The following ATF2 variants were observed in gnomAD, a reference collection of about 807,000 sequenced individuals.
ATF2 encodes activating transcription factor 2, also known as cyclic AMP-dependent transcription factor ATF-2.
Under a neutral mutation model 60.6 loss-of-function variants are expected in ATF2, and 24 were observed. The ratio of observed to expected loss-of-function variants is 0.40; its 90% CI spans 0.29 to 0.56. ATF2 has a LOEUF of 0.56. ATF2 is among the 20% of genes least tolerant of loss of function. The pLI, the probability that ATF2 is intolerant of heterozygous loss-of-function variation, is 0.54. For synonymous variants in ATF2, 206 were observed against 215.4 expected (o/e 0.96, Z 0.38); for missense variants, 433 against 607.7 (o/e 0.71, Z 3.02).
Position 175,087,275 on chromosome 2 carries a change from T to C in ATF2, c.1185+5786A>G, listed in dbSNP as rs1232187002. 3.9e-5 allele frequency among the ~76,000 whole-genome samples: 6 copies of C among 152,266 alleles called. No individual in the cohort carries two copies. The East Asian group carries it at 1.2e-3, about 29-fold the overall frequency. ...GCATTTTGAAAATGTGAAAGTCCCA[T>C]TCAAATGTGAGAAATCATCACTTTG... is the stretch of plus-strand genomic sequence containing the variant. On this transcript the variant is annotated intron_variant, in intron 12 of 13. Coordinates refer to ENST00000264110, the MANE Select transcript of ATF2 (RefSeq NM_001880.4).
chr2:175,137,255 AAGAG>A lies in ATF2; in HGVS notation c.-43-773_-43-770del, dbSNP rs557933714. 2.8e-4 allele frequency among the ~76,000 whole-genome samples: 43 copies of A among 152,310 alleles called. No individual in the cohort carries two copies. In the East Asian group the frequency reaches 7.5e-3, roughly 27 times the overall value. On this transcript the variant is annotated intron_variant, in intron 2 of 13. Transcript: ENST00000264110. ...AGGTGGATCTGGTATAGGAAATAAG[AAGAG>A]AGAAAGTTTCTTCCCTTGTCCCATG...
rs568579764 is a variant in ATF2, at chr2:175,083,229, C to T, written c.1186-2464G>A. Among the ~76,000 whole-genome samples the T allele has an allele frequency of 7.9e-5, 12 of 152,116 alleles. No individual in the cohort carries two copies. The East Asian group carries it at 2.1e-3, about 27-fold the overall frequency. ...AAAGAACAAAGCTGGAGGCATCACG[C>T]TACCTGACTTCAAACTATACTACAA... On this transcript the variant is annotated intron_variant, in intron 12 of 13. Transcript: ENST00000264110.
chr2:175,092,199 G>C (rs1193852965), intron 12 of ATF2, among the ~76,000 whole-genome samples: 1 of 152,002 alleles, frequency 6.6e-6, no homozygotes, highest in African/African-American at 2.4e-5. Flanking sequence ...ATATCTTAAA[G>C]ACAGATTTAA....
intron 4 of ATF2, among the ~76,000 whole-genome samples, chr2:175,129,702 C>T (rs1446106879): frequency 7.9e-5 from 12 of 151,758 alleles, no homozygotes; most frequent in Non-Finnish European, 1.5e-4. Context: ...ATATTAAAGA[C>T]GTTAGGCTTA....
intron 2 of ATF2, among the ~76,000 whole-genome samples, chr2:175,150,435 TA>T (rs57154981): frequency 9.3e-4 from 141 of 152,216 alleles, no homozygotes; most frequent in African/African-American, 3.4e-3. Context: ...CCCCAAACTG[TA>T]AATGGCTTGA....
chr2:175,148,055 T>C (rs1444077597), intron 2 of ATF2: 1 of 149,252 alleles, frequency 6.7e-6, no homozygotes, highest in African/African-American at 2.4e-5. Flanking sequence ...CCGGTAGACA[T>C]TTTCTGTCAT....
intron 12 of ATF2, among the ~76,000 whole-genome samples, chr2:175,091,499 T>C (rs773408323): frequency 5.3e-5 from 8 of 152,080 alleles, no homozygotes; most frequent in Admixed American, 2.0e-4. Context: ...ACCTACAGTC[T>C]GTACTATTAA....
intron 12 of ATF2, among the ~76,000 whole-genome samples, chr2:175,088,915 C>T (rs1388230514): frequency 3.3e-5 from 5 of 152,186 alleles, no homozygotes; most frequent in Admixed American, 6.5e-5. Flanking sequence ...GGTGCAGTTG[C>T]TCATGCCTGT....
chr2:175,080,971 T>G lies in ATF2; in HGVS notation c.1186-206A>C, dbSNP rs147473979. Among the ~76,000 whole-genome samples the G allele has an allele frequency of 1.5e-3, 236 of 152,296 alleles. 5 individuals are homozygous for G. In the East Asian group the frequency reaches 0.042, roughly 27 times the overall value. ...AAAAGCTGTAACTTGAATAAAAATT[T>G]AAGATAATGCCACAGCTGGATAGCA... On this transcript the variant is annotated intron_variant, in intron 12 of 13. Transcript: ENST00000264110.
intron 1 of ATF2, chr2:175,167,780 G>C (rs567700975): frequency 2.0e-4 from 93 of 456,010 alleles, no homozygotes; most frequent in African/African-American, 1.8e-3. Flanking sequence ...CCTTAGGAAA[G>C]CGCGCGAGAG....
At chr2:175,127,387 C>G (rs538363481) in intron 4 of ATF2, among the ~76,000 whole-genome samples, 1 of 151,952 alleles carries the variant, frequency 6.6e-6, no homozygotes, top group Non-Finnish European at 1.5e-5. Flanking sequence ...ATATATATGT[C>G]AAATATATCT....
At chr2:175,091,144 A>G (rs1355803669) in intron 12 of ATF2, among the ~76,000 whole-genome samples, 5 of 152,194 alleles carry the variant, frequency 3.3e-5, no homozygotes, top group Admixed American at 6.5e-5. Flanking sequence ...TTCTTAAATA[A>G]GGCATAATAA....
rs1696207370 is a variant in ATF2, at chr2:175,111,765, T to G, written c.742-111A>C. ...CTTTAAGAATCAGAACATTGTAAAT[T>G]TATCACCAGCTGATTTTATCTCTAT... On this transcript the variant is annotated intron_variant, in intron 9 of 13. Coordinates refer to ENST00000264110, the MANE Select transcript of ATF2 (RefSeq NM_001880.4). 8.9e-6 allele frequency: 8 copies of G among 894,552 alleles called. No individual in the cohort carries two copies. The South Asian group carries it at 1.3e-4, about 14-fold the overall frequency. 55.4% of individuals were successfully genotyped at this position (894,552 alleles called of 1,614,324 possible).
intron 11 of ATF2, among the ~76,000 whole-genome samples, chr2:175,095,495 T>G (rs1392057798): frequency 6.6e-6 from 1 of 152,254 alleles, no homozygotes; most frequent in East Asian, 1.9e-4. Context: ...TAGCAAAGAC[T>G]AATCATAAGT....
chr2:175,162,741 A>G (rs1700099505), intron 1 of ATF2, among the ~76,000 whole-genome samples: 1 of 152,238 alleles, frequency 6.6e-6, no homozygotes, highest in African/African-American at 2.4e-5. Context: ...ACTGCAATAT[A>G]TATGCACAAA....
In ATF2 at chr2:175,118,301, T is replaced by A; in HGVS notation, c.268A>T (p.Ser90Cys). 1 of 1,611,166 alleles carries A rather than the reference T, an allele frequency of 6.2e-7. No homozygotes were observed. The highest frequency in any genetic ancestry group is 1.1e-5 in the South Asian group (1 of 90,750). Reference sequence around the variant, plus strand: ...TTCTTGAATTCATTCTCAAATGGACTCGCCAACTCATTAAACAAACCCACT... The same window carrying A: ...TTCTTGAATTCATTCTCAAATGGACACGCCAACTCATTAAACAAACCCACT... ...EEVGLFNELASPFENEFKKAS... is the reference protein window; with the variant it reads ...EEVGLFNELACPFENEFKKAS... The change falls in exon 6 of 14, where the codon AGT (serine) becomes TGT (cysteine). Residue 90 changes from serine to cysteine, a missense_variant. Ser to Cys is a moderately radical substitution (Grantham distance 112). Around this residue, in one of 5 missense-constraint regions of ATF2, gnomAD observed 29 missense variants for 102.1 expected, o/e 0.28. Transcript: ENST00000264110.
intron 4 of ATF2, among the ~76,000 whole-genome samples, chr2:175,122,098 A>C (rs1310716841): frequency 6.6e-6 from 1 of 151,984 alleles, no homozygotes; most frequent in African/African-American, 2.4e-5. Context: ...CAATAACAAA[A>C]CAGCTCATTT....
chr2:175,144,872 C>T (rs1048877557), intron 2 of ATF2, among the ~76,000 whole-genome samples: 1 of 152,202 alleles, frequency 6.6e-6, no homozygotes, highest in Non-Finnish European at 1.5e-5. Flanking sequence ...AACAGGAAGA[C>T]ATCTACTTGA....
intron 1 of ATF2, among the ~76,000 whole-genome samples, chr2:175,158,137 CATA>C (rs1201857330): frequency 2.6e-5 from 4 of 151,938 alleles, no homozygotes; most frequent in African/African-American, 2.4e-5. Context: ...GCAAAGTGGT[CATA>C]ATAACAAACC....
Sources: gnomAD v4.1 joint callset for allele counts (sites outside exome capture counted in the v4.1 genomes callset) on GRCh38, gnomAD v4.1.1 for gene constraint, gnomAD v4.1.1 regional missense constraint, MANE v1.5 for transcripts, NCBI Gene and HGNC (gene_info 2026-07-23, HGNC 2026-07-21) for gene names.